PIK3C2G: variants seen among roughly 807,000 people sequenced by gnomAD.
The protein encoded by PIK3C2G is phosphatidylinositol-4-phosphate 3-kinase catalytic subunit type 2 gamma, also known as phosphatidylinositol 3-kinase C2 domain-containing subunit gamma.
A neutral mutation model predicts 181.1 loss-of-function variants in PIK3C2G; 168 were observed. The observed-to-expected ratio is 0.93, with a 90% confidence interval of 0.82 to 1.05. The LOEUF (loss-of-function observed/expected upper bound fraction) is 1.05. Ranked by LOEUF, PIK3C2G falls within the 50% of genes least tolerant of loss-of-function variation. The pLI is 0.00. For missense variants in PIK3C2G, 1,869 were observed against 1,732.8 expected (o/e 1.08, Z -1.40); for synonymous variants, 573 against 592.2 (o/e 0.97, Z 0.47).
intron 24 of PIK3C2G, among the ~76,000 whole-genome samples, chr12:18,522,431 C>T (rs1942978165): frequency 6.6e-6 from 1 of 151,964 alleles, no homozygotes; most frequent in Non-Finnish European, 1.5e-5. Flanking sequence ...TCCTGTAAAA[C>T]AGGGCTAGTG....
chr12:18,652,919 T>A (rs1950579519), downstream of PIK3C2G, among the ~76,000 whole-genome samples: 1 of 151,716 alleles, frequency 6.6e-6, no homozygotes, highest in South Asian at 2.1e-4. Flanking sequence ...AGAATATACA[T>A]ATTCTGTCTC....
intron 18 of PIK3C2G, among the ~76,000 whole-genome samples, chr12:18,434,020 C>T (rs190290167): frequency 3.3e-5 from 5 of 152,252 alleles, no homozygotes; most frequent in Admixed American, 1.3e-4. Context: ...AACAGAATAT[C>T]TGAGAAATAA....
At chr12:18,589,361 G>C (rs1205979377) in intron 29 of PIK3C2G, among the ~76,000 whole-genome samples, 2 of 152,022 alleles carry the variant, frequency 1.3e-5, no homozygotes, top group Non-Finnish European at 2.9e-5. Flanking sequence ...AAAGGAATTT[G>C]AGATAGAAAG....
chr12:18,551,090 A>G (rs1944704652), intron 26 of PIK3C2G, among the ~76,000 whole-genome samples: 1 of 152,032 alleles, frequency 6.6e-6, no homozygotes, highest in African/African-American at 2.4e-5. Flanking sequence ...TGGTATTTAG[A>G]GGGAAAATGG....
intron 30 of PIK3C2G, among the ~76,000 whole-genome samples, chr12:18,607,014 A>C (rs1253115398): frequency 6.6e-6 from 1 of 152,092 alleles, no homozygotes; most frequent in African/African-American, 2.4e-5. Flanking sequence ...CCCCTTGGGG[A>C]TATAGGGGTA....
At chr12:18,303,259 C>A (rs912425618) in intron 5 of PIK3C2G, among the ~76,000 whole-genome samples, 1 of 144,476 alleles carries the variant, frequency 6.9e-6, no homozygotes, top group Middle Eastern at 3.6e-3. Flanking sequence ...TTCCTTCTTC[C>A]TTCCTTCCCT....
intron 4 of PIK3C2G, among the ~76,000 whole-genome samples, chr12:18,292,227 A>AAAAAAATATATATATATAT: frequency 2.1e-5 from 1 of 48,748 alleles, no homozygotes; most frequent in African/African-American, 1.1e-4. Flanking sequence ...AAAAAAAAAA[A>AAAAAAATATATATATATAT]ATATATATAT....
At chr12:18,509,426 T>G (rs1177031807) in intron 24 of PIK3C2G, among the ~76,000 whole-genome samples, 2 of 152,236 alleles carry the variant, frequency 1.3e-5, no homozygotes, top group East Asian at 1.9e-4. Context: ...AGAAGGATCT[T>G]GAGAAAAAAA....
intron 18 of PIK3C2G, among the ~76,000 whole-genome samples, chr12:18,444,324 T>G (rs1039612563): frequency 6.6e-5 from 10 of 152,208 alleles, no homozygotes; most frequent in African/African-American, 2.4e-4. Flanking sequence ...GCTGAAATCC[T>G]GTATCATATT....
chr12:18,534,614 G>T (rs1943741354), intron 24 of PIK3C2G, among the ~76,000 whole-genome samples: 1 of 151,210 alleles, frequency 6.6e-6, no homozygotes, highest in Non-Finnish European at 1.5e-5. Flanking sequence ...TCAAAATATT[G>T]TTTCTGATGT....
intron 18 of PIK3C2G, among the ~76,000 whole-genome samples, chr12:18,476,576 T>A (rs2135999781): frequency 6.6e-6 from 1 of 152,264 alleles, no homozygotes; most frequent in Middle Eastern, 3.4e-3. Context: ...AGTTAAACTC[T>A]GTCAGCAATG....
chr12:18,401,981 A>C (rs1478379059), intron 16 of PIK3C2G, among the ~76,000 whole-genome samples: 1 of 152,136 alleles, frequency 6.6e-6, no homozygotes, highest in Admixed American at 6.5e-5. Flanking sequence ...CTTAAGTGTT[A>C]AACCCAGAGT....
In PIK3C2G at chr12:18,362,887, G is replaced by T. The variant is rs182471631; in HGVS notation, c.1748+1G>T. On this transcript the variant is annotated splice_donor_variant, in intron 12 of 32. Transcript: ENST00000538779. LOFTEE classifies it high-confidence loss of function. Reference sequence around the variant, plus strand: ...TTTTCTTGGTCAACTGGAATGAAACGTAAGTTTAATCTTTACTGTATCTGG... The same window carrying T: ...TTTTCTTGGTCAACTGGAATGAAACTTAAGTTTAATCTTTACTGTATCTGG... The T allele has an allele frequency of 1.3e-6, 2 of 1,496,124 alleles. No individual in the cohort carries two copies. Among genetic ancestry groups the T allele is most frequent in the African/African-American group, 2.8e-5 (2 of 70,930 alleles). 92.7% of individuals were successfully genotyped at this position (1,496,124 alleles called of 1,614,324 possible).
chr12:18,536,788 A>G (rs577599463), intron 24 of PIK3C2G, among the ~76,000 whole-genome samples: 1 of 152,234 alleles, frequency 6.6e-6, no homozygotes, highest in African/African-American at 2.4e-5. Flanking sequence ...TATAGGTTGG[A>G]TAAGTCAATG....
At chr12:18,412,442 T>C (rs2135639168) in intron 16 of PIK3C2G, among the ~76,000 whole-genome samples, 1 of 152,246 alleles carries the variant, frequency 6.6e-6, no homozygotes, top group South Asian at 2.1e-4. Flanking sequence ...AGGGGCCACA[T>C]GATTTAAAAT....
At chr12:18,289,754 C>T (rs1949607649) in intron 3 of PIK3C2G, among the ~76,000 whole-genome samples, 1 of 152,132 alleles carries the variant, frequency 6.6e-6, no homozygotes, top group Non-Finnish European at 1.5e-5. Flanking sequence ...TGCCAGGCCC[C>T]TGATGGAGGA....
rs1943964656 is a variant in PIK3C2G, at chr12:18,538,263, A to G, written c.3431A>G (p.Tyr1144Cys). The change falls in exon 25 of 33, where the codon TAT becomes TGT. Residue 1144 changes from tyrosine (Y) to cysteine (C), a missense_variant. Tyr to Cys is a radical substitution (Grantham distance 194). Coordinates refer to ENST00000538779, the MANE Select transcript of PIK3C2G (RefSeq NM_001288772.2). ...QDFVELCCRA[Y>C]NIIRKHSQLL... is the part of the protein sequence containing the mutation. Reference sequence around the variant, plus strand: ...TTTGTGGAACTTTGCTGTCGTGCTTATAATATTATCAGAAAGCACAGCCAA... The same window carrying G: ...TTTGTGGAACTTTGCTGTCGTGCTTGTAATATTATCAGAAAGCACAGCCAA... The G allele has an allele frequency of 3.1e-6, 5 of 1,611,932 alleles. No homozygotes were observed. Among genetic ancestry groups the G allele is most frequent in the Non-Finnish European group, 4.2e-6 (5 of 1,179,012 alleles).
chr12:18,317,308 G>A (rs1207548533), intron 6 of PIK3C2G, among the ~76,000 whole-genome samples: 1 of 151,910 alleles, frequency 6.6e-6, no homozygotes, highest in Non-Finnish European at 1.5e-5. Flanking sequence ...ACTGTGCCTG[G>A]TCCAAGTCTT....
intron 18 of PIK3C2G, among the ~76,000 whole-genome samples, chr12:18,431,122 A>T (rs1036456874): frequency 8.5e-5 from 13 of 152,158 alleles, no homozygotes; most frequent in African/African-American, 2.7e-4. Flanking sequence ...CTAATGCCTG[A>T]AATTCTCTCA....
Sources: allele counts gnomAD v4.1 joint callset (sites outside exome capture counted in the v4.1 genomes callset), GRCh38; gene constraint gnomAD v4.1.1; transcripts MANE v1.5; gene names NCBI Gene and HGNC (gene_info 2026-07-23, HGNC 2026-07-21).